PHF8: variants seen among roughly 807,000 people sequenced by gnomAD.
PHF8 encodes PHD finger protein 8.
Under a neutral mutation model 74.4 loss-of-function variants are expected in PHF8, and 9 were observed. The ratio of observed to expected loss-of-function variants is 0.12; its 90% CI spans 0.07 to 0.21. The LOEUF (loss-of-function observed/expected upper bound fraction) is 0.21. Ranked by LOEUF, PHF8 falls within the 10% of genes least tolerant of loss-of-function variation. The pLI is 1.00. For missense variants in PHF8, 478 were observed against 816.6 expected (o/e 0.59, Z 5.05); for synonymous variants, 311 against 316.6 (o/e 0.98, Z 0.19).
chrX:54,037,846 C>A (rs1557114834), intron 2 of PHF8, among the ~76,000 whole-genome samples: 2 of 112,340 alleles, frequency 1.8e-5, no homozygotes, highest in Non-Finnish European at 3.8e-5. Flanking sequence ...ATAGCTATAA[C>A]CATTTTATTT....
intron 5 of PHF8, 74 bp downstream of exon 5, chrX:54,017,587 G>T: frequency 1.1e-6 from 1 of 933,144 alleles, no homozygotes; most frequent in Non-Finnish European, 1.5e-6. Flanking sequence ...TGCAAAAACA[G>T]ATTGGAGGGG....
chrX:53,985,017 G>A lies in PHF8; in HGVS notation c.2340C>T (p.Ile780=). Residue 780 remains isoleucine, a synonymous_variant, in exon 18 of 22, where the codon ATC becomes ATT. Coordinates refer to ENST00000338154, the MANE Select transcript of PHF8 (RefSeq NM_015107.3). Reference sequence around the variant, plus strand: ...CGGTTCTCCAGTATGCTGGCCGCTTGATGGGCCGCTTCCCTGGGGTGCGCT... The same window carrying A: ...CGGTTCTCCAGTATGCTGGCCGCTTAATGGGCCGCTTCCCTGGGGTGCGCT... ...ASQRTPGKRP[I]KRPAYWRTES... 1 of 1,210,573 alleles carries A rather than the reference G, an allele frequency of 8.3e-7. No homozygotes were observed. The highest frequency in any genetic ancestry group is 1.8e-5 in the South Asian group (1 of 56,953).
intron 7 of PHF8, among the ~76,000 whole-genome samples, chrX:54,012,936 T>C (rs1485242994): frequency 1.1e-5 from 1 of 88,470 alleles, no homozygotes; most frequent in African/African-American, 4.3e-5. Context: ...TGAGAGACTG[T>C]CTCAAAAAAA....
chrX:53,983,954 G>A (rs1054744292), intron 18 of PHF8, among the ~76,000 whole-genome samples: 1 of 112,447 alleles, frequency 8.9e-6, no homozygotes, highest in Non-Finnish European at 1.9e-5. Flanking sequence ...TGATGACAAA[G>A]GTTATCTTTG....
chrX:54,035,212 C>T (rs2066431333), intron 2 of PHF8, among the ~76,000 whole-genome samples: 1 of 108,136 alleles, frequency 9.2e-6, no homozygotes, highest in Non-Finnish European at 1.9e-5. Flanking sequence ...CAAAAATTAG[C>T]CGGCTATGGT....
chrX:54,004,669 G>C (rs1413285033), intron 8 of PHF8, among the ~76,000 whole-genome samples: 1 of 111,430 alleles, frequency 9.0e-6, no homozygotes, highest in East Asian at 2.8e-4. Flanking sequence ...GGTGGCTCAC[G>C]CCTGTAATCC....
In PHF8 at chrX:53,993,764, T is replaced by C; in HGVS notation, c.1463A>G (p.Asn488Ser). The change falls in exon 13 of 22, where the codon AAT becomes AGT. Residue 488 changes from asparagine to serine, a missense_variant. Physicochemically the swap from Asn to Ser is conservative, Grantham distance 46. Transcript: ENST00000338154. ...SMSRLSLPSK[N>S]GSKKKGLKPK... is the part of the protein sequence containing the mutation. The stretch of plus-strand genomic sequence containing the variant: ...CTTCAGGCCTTTCTTCTTTGAACCA[T>C]TTTTGGAGGGCAGTGACAGCCTGGA... 1.7e-6 allele frequency: 2 copies of C among 1,211,131 alleles called. No individual in the cohort carries two copies. The highest frequency in any genetic ancestry group is 2.2e-6 in the Non-Finnish European group (2 of 894,665).
intron 10 of PHF8, 81 bp from the exon 11 acceptor site, chrX:54,000,042 C>A: frequency 1.7e-6 from 1 of 603,468 alleles, no homozygotes; most frequent in Non-Finnish European, 2.8e-6. Context: ...TTAAGACAAC[C>A]AGAGAAAATG....
intron 4 of PHF8, 71 bp from the exon 5 acceptor site, chrX:54,017,892 T>A: frequency 9.6e-7 from 1 of 1,040,504 alleles, no homozygotes. Flanking sequence ...AGGCTGCCAC[T>A]CACCCAAGAG....
chrX:53,965,410 A>G (rs1429189553), intron 18 of PHF8, among the ~76,000 whole-genome samples: 2 of 113,161 alleles, frequency 1.8e-5, no homozygotes, highest in Non-Finnish European at 3.7e-5. Flanking sequence ...CTCCAGATGC[A>G]GGCGGATCAC....
intron 6 of PHF8, among the ~76,000 whole-genome samples, chrX:54,015,524 C>A (rs2066049591): frequency 1.0e-5 from 1 of 96,150 alleles, no homozygotes; most frequent in Non-Finnish European, 2.0e-5. Flanking sequence ...TGCAGTGAGC[C>A]GAGATCATGC....
At chrX:53,971,825 TTGAGGCAGTAA>T (rs2065295976) in intron 18 of PHF8, among the ~76,000 whole-genome samples, 1 of 111,258 alleles carries the variant, frequency 9.0e-6, no homozygotes, top group East Asian at 2.8e-4. Flanking sequence ...AGTTCAGAAA[TTGAGGCAGTAA>T]TAAATAGCCT....
In PHF8 at chrX:54,042,765, G is replaced by T. The variant is rs782307892; in HGVS notation, c.-37C>A. 2.5e-6 allele frequency: 3 copies of T among 1,192,888 alleles called. No homozygotes were observed. The highest frequency in any genetic ancestry group is 3.5e-5 in the African/African-American group (2 of 57,523). On this transcript the variant is annotated 5_prime_UTR_variant, in exon 2 of 22. Coordinates refer to ENST00000338154, the MANE Select transcript of PHF8 (RefSeq NM_015107.3). Reference sequence around the variant, plus strand: ...CCTGGAGCGTTCTGCGGCCGGCCAGGTTCGTCGTGTCAAGAGGGGCGGGAG... The same window carrying T: ...CCTGGAGCGTTCTGCGGCCGGCCAGTTTCGTCGTGTCAAGAGGGGCGGGAG...
intron 13 of PHF8, 156 bp from the exon 14 acceptor site, chrX:53,992,995 G>C (rs1398408943): frequency 1.5e-5 from 7 of 478,628 alleles, no homozygotes; most frequent in Admixed American, 1.4e-4. Context: ...ACTGATCACA[G>C]GAGCAGGAGG....
chrX:53,987,435 C>A (rs1557099890), intron 15 of PHF8, among the ~76,000 whole-genome samples: 1 of 111,803 alleles, frequency 8.9e-6, no homozygotes, highest in Non-Finnish European at 1.9e-5. Context: ...AAGGGCTGGG[C>A]GTGGTGGCTT....
chrX:54,020,209 AAAAC>A (rs1156635048), intron 4 of PHF8, among the ~76,000 whole-genome samples: 21 of 112,327 alleles, frequency 1.9e-4, no homozygotes, highest in Admixed American at 2.8e-4. Context: ...TAAATAAAAT[AAAAC>A]AAACAAACAA....
At chrX:54,014,862 A>C in intron 6 of PHF8, among the ~76,000 whole-genome samples, 1 of 111,916 alleles carries the variant, frequency 8.9e-6, no homozygotes, top group East Asian at 2.8e-4. Context: ...CTCACTTGGC[A>C]TGTGGATTAT....
At chrX:53,976,895 G>T (rs1557096266) in intron 18 of PHF8, among the ~76,000 whole-genome samples, 1 of 111,580 alleles carries the variant, frequency 9.0e-6, no homozygotes, top group East Asian at 2.8e-4. Context: ...TTCCTTGAAA[G>T]ATACAAACTA....
At chrX:53,958,890 C>T (rs1250656882) in intron 19 of PHF8, among the ~76,000 whole-genome samples, 1 of 106,452 alleles carries the variant, frequency 9.4e-6, no homozygotes, top group Non-Finnish European at 1.9e-5. Context: ...ACCTCACATA[C>T]TTTGGCCCCT....
Sources: gnomAD v4.1 joint callset for allele counts (sites outside exome capture counted in the v4.1 genomes callset) on GRCh38, gnomAD v4.1.1 for gene constraint, MANE v1.5 for transcripts, NCBI Gene and HGNC (gene_info 2026-07-23, HGNC 2026-07-21) for gene names.